The following EZH2 variants were observed in gnomAD, a reference collection of about 807,000 sequenced individuals.
EZH2 encodes the protein enhancer of zeste 2 polycomb repressive complex 2 subunit.
A neutral mutation model predicts 98.4 loss-of-function variants in EZH2; 18 were observed. The observed-to-expected ratio is 0.18, with a 90% CI of 0.13 to 0.27. The LOEUF (loss-of-function observed/expected upper bound fraction) is 0.27. Among genes scored for constraint, EZH2 ranks in the 10% least tolerant of loss-of-function variants. The pLI, the probability that EZH2 is intolerant of heterozygous loss-of-function variation, is 1.00. For synonymous variants in EZH2, 338 were observed against 312.3 expected, an observed-to-expected ratio of 1.08 and a Z score of -0.87; for missense variants, 470 against 935.1, an observed-to-expected ratio of 0.50 and a Z score of 6.49.
chr7:148,825,459 C>T (rs879244088), intron 8 of EZH2, among the ~76,000 whole-genome samples: 1 of 152,166 alleles, frequency 6.6e-6, no homozygotes, highest in Admixed American at 6.5e-5. Flanking sequence ...CACACAAAAA[C>T]AAAACTTAAC....
chr7:148,840,188 G>A (rs550724873), intron 3 of EZH2, among the ~76,000 whole-genome samples: 1 of 152,106 alleles, frequency 6.6e-6, no homozygotes, highest in Non-Finnish European at 1.5e-5. Context: ...AATTCTATTT[G>A]TAGGAACTTC....
chr7:148,813,950 G>A lies in EZH2; in HGVS notation c.1851+9C>T, dbSNP rs778531765. On this transcript the variant is annotated intron_variant, in intron 15 of 19. Transcript: ENST00000320356. ...ACAAACAATCTTCCAGAAGTGACTT[G>A]TTGCTCACCTTTTTGGAGCCCCGCT... 2 of 1,608,804 alleles carry A rather than the reference G, an allele frequency of 1.2e-6. No individual in the cohort carries two copies. The highest frequency in any genetic ancestry group is 1.7e-6 in the Non-Finnish European group (2 of 1,177,070).
chr7:148,832,122 G>A (rs745425116), intron 4 of EZH2, among the ~76,000 whole-genome samples: 17 of 152,112 alleles, frequency 1.1e-4, no homozygotes, highest in Non-Finnish European at 1.5e-4. Context: ...ACAGGGTCTG[G>A]CTGTCACCCA....
chr7:148,860,134 A>C (rs1817453806), intron 1 of EZH2, among the ~76,000 whole-genome samples: 1 of 151,858 alleles, frequency 6.6e-6, no homozygotes, highest in Non-Finnish European at 1.5e-5. Context: ...TCTATATTTA[A>C]TTTGTAAATC....
intron 16 of EZH2, 31 bp from the exon 17 acceptor site, chr7:148,810,445 T>A (rs1310913459): frequency 6.6e-7 from 1 of 1,518,436 alleles, no homozygotes. Flanking sequence ...GAAAATTCTT[T>A]TGGATAAAGG....
chr7:148,859,505 AAACAAC>A (rs71529644), intron 1 of EZH2, among the ~76,000 whole-genome samples: 3,868 of 150,274 alleles, frequency 0.026, 153 homozygotes, highest in African/African-American at 0.089. Context: ...TCTGTCTCAA[AAACAAC>A]AACAACAACA....
rs963102190 is a variant in EZH2 at position 148,818,208 on chromosome 7, CAAA to C, written c.1000-94_1000-92del. 1.2e-5 allele frequency: 16 copies of C among 1,296,790 alleles called. No individual in the cohort carries two copies. In the African/African-American group the frequency reaches 1.6e-4, roughly 13 times the overall value. 80.3% of individuals were successfully genotyped at this position (1,296,790 alleles called of 1,614,324 possible). ...AAAATACTATATAAGCCAGGTTAGTCAAAAAATGTATCACATTATCCATTTATC... is the reference window on the plus strand; with the variant it reads ...AAAATACTATATAAGCCAGGTTAGTCAAATGTATCACATTATCCATTTATC... On this transcript the variant is annotated intron_variant, in intron 9 of 19. Coordinates refer to ENST00000320356, the MANE Select transcript of EZH2 (RefSeq NM_004456.5).
intron 18 of EZH2, 51 bp from the exon 19 acceptor site, chr7:148,809,206 G>GT (rs1802375678): frequency 6.3e-7 from 1 of 1,589,980 alleles, no homozygotes; most frequent in Admixed American, 1.7e-5. Flanking sequence ...GCCACGGGGG[G>GT]TTAACTGACT....
intron 3 of EZH2, among the ~76,000 whole-genome samples, chr7:148,839,276 A>G (rs1811801247): frequency 3.3e-5 from 5 of 152,344 alleles, no homozygotes; most frequent in Admixed American, 2.0e-4. Flanking sequence ...CTCAGTAAAT[A>G]GTGTTGAAAC....
In EZH2 at chr7:148,875,385, T is replaced by C. The variant is rs548291573; in HGVS notation, c.-8+8779A>G. Among the ~76,000 whole-genome samples the C allele has an allele frequency of 9.2e-4, 140 of 152,322 alleles. 1 individual carries two copies. The highest frequency in any genetic ancestry group is 1.8e-3 in the Non-Finnish European group (120 of 68,028). ...CACAATCTGACAGATAATGTGACTA[T>C]GTACCCAGAACATATAAAGACCTCT... On this transcript the variant is annotated intron_variant, in intron 1 of 19. Transcript: ENST00000320356.
chr7:148,870,359 T>C (rs944403550), intron 1 of EZH2, among the ~76,000 whole-genome samples: 20 of 152,186 alleles, frequency 1.3e-4, no homozygotes, highest in African/African-American at 3.4e-4. Flanking sequence ...CAGAATTTTA[T>C]GAATAAGGAT....
rs1358126262 is a variant in EZH2, at chr7:148,829,849, C to A, written c.364-1G>T. The A allele has an allele frequency of 1.9e-6, 3 of 1,551,000 alleles. No homozygotes were observed. The highest frequency in any genetic ancestry group is 2.0e-5 in the Admixed American group (1 of 50,182). ...TATGTAAAACAGTTTCATCTTCCACCTAAAAGAAAAAAATATATTTAAAAA... is the reference window on the plus strand; with the variant it reads ...TATGTAAAACAGTTTCATCTTCCACATAAAAGAAAAAAATATATTTAAAAA... On this transcript the variant is annotated splice_acceptor_variant, in intron 4 of 19. Coordinates refer to ENST00000320356, the MANE Select transcript of EZH2 (RefSeq NM_004456.5). LOFTEE classifies it high-confidence loss of function.
rs970779715 is a variant in EZH2, at chr7:148,814,805, G to A, written c.1672+109C>T. ...AATACTTGTCAAATTGATGAGTTTC[G>A]TCAAGTAAACAAGGGAGTGCTCCCA... is the stretch of plus-strand genomic sequence containing the variant. On this transcript the variant is annotated intron_variant, in intron 14 of 19. Transcript: ENST00000320356. 80 of 1,327,130 alleles carry A rather than the reference G, an allele frequency of 6.0e-5. 1 individual carries two copies. Among genetic ancestry groups the A allele is most frequent in the Admixed American group, 2.6e-4 (11 of 41,648 alleles). The allele number at this position is 1,327,130 out of a possible 1,614,324, so 82.2% of individuals were successfully genotyped here. A position where few individuals can be genotyped will look rare whatever the true frequency, so the allele number is the denominator to read the frequency against.
chr7:148,844,417 G>C (rs61327560), intron 3 of EZH2, among the ~76,000 whole-genome samples: 11 of 152,186 alleles, frequency 7.2e-5, no homozygotes, highest in Non-Finnish European at 1.3e-4. Flanking sequence ...TTAAAAAGGC[G>C]GAAAGGGGAA....
chr7:148,878,099 T>C (rs1389997246), intron 1 of EZH2, among the ~76,000 whole-genome samples: 1 of 152,234 alleles, frequency 6.6e-6, no homozygotes, highest in South Asian at 2.1e-4. Flanking sequence ...GAGAGATATA[T>C]ATAGATACAG....
chr7:148,838,047 C>G (rs950185435), intron 3 of EZH2, among the ~76,000 whole-genome samples: 1 of 141,556 alleles, frequency 7.1e-6, no homozygotes, highest in African/African-American at 2.6e-5. Context: ...AATACAGTAT[C>G]GGGAAGTTTA....
intron 3 of EZH2, among the ~76,000 whole-genome samples, chr7:148,834,955 T>C (rs1011093126): frequency 5.3e-5 from 8 of 152,236 alleles, no homozygotes; most frequent in Middle Eastern, 3.2e-3. Context: ...AGAGAAGTTA[T>C]ACAATTTGTC....
intron 6 of EZH2, among the ~76,000 whole-genome samples, chr7:148,828,438 A>T (rs1351050591): frequency 6.6e-6 from 1 of 152,056 alleles, no homozygotes; most frequent in African/African-American, 2.4e-5. Flanking sequence ...CCTGGGCTCA[A>T]GCAATCACCC....
At position 148,828,894 on chromosome 7, in the gene EZH2, A is replaced by C; in HGVS notation, c.485-14T>G. ...TAAACCCACATTCTGAAACGCATCA[A>C]ATGTCAGAAACACACAGGAGAAGCA... On this transcript the variant is annotated splice_polypyrimidine_tract_variant and intron_variant, in intron 5 of 19. Transcript: ENST00000320356. The C allele has an allele frequency of 6.3e-7, 1 of 1,594,006 alleles. No homozygotes were observed. The highest frequency in any genetic ancestry group is 1.1e-5 in the South Asian group (1 of 88,646).
Sources: gnomAD v4.1 joint callset for allele counts (sites outside exome capture counted in the v4.1 genomes callset) on GRCh38, gnomAD v4.1.1 for gene constraint, MANE v1.5 for transcripts, NCBI Gene and HGNC (gene_info 2026-07-23, HGNC 2026-07-21) for gene names.